The following SLC35B3 variants were observed in gnomAD, a reference collection of about 807,000 sequenced individuals.
The protein encoded by SLC35B3 is adenosine 3'-phospho 5'-phosphosulfate transporter 2.
Under a neutral mutation model 44.1 loss-of-function variants are expected in SLC35B3, and 35 were observed. The ratio of observed to expected loss-of-function variants is 0.79; its 90% confidence interval spans 0.61 to 1.05. The LOEUF (loss-of-function observed/expected upper bound fraction) is 1.05. SLC35B3 is among the 50% of genes least tolerant of loss of function. SLC35B3 has a pLI of 0.00. For missense variants in SLC35B3, 414 were observed against 476.4 expected (o/e 0.87, Z 1.22); for synonymous variants, 146 against 167.3 (o/e 0.87, Z 0.98).
At chr6:8,431,501 A>G (rs186439889) in intron 2 of SLC35B3, among the ~76,000 whole-genome samples, 161 of 152,326 alleles carry the variant, frequency 1.1e-3, no homozygotes, top group African/African-American at 3.6e-3. Context: ...ACCACTTGTA[A>G]CTAAAAATAT....
chr6:8,435,480 C>T lies in SLC35B3; in HGVS notation c.-181G>A. 2 of 1,027,468 alleles carry T rather than the reference C, an allele frequency of 1.9e-6. No individual in the cohort carries two copies. Among genetic ancestry groups the T allele is most frequent in the South Asian group, 2.8e-5 (2 of 71,256 alleles). 63.6% of individuals were successfully genotyped at this position (1,027,468 alleles called of 1,614,324 possible). A position where few individuals can be genotyped will look rare whatever the true frequency, so the allele number is the denominator to read the frequency against. On this transcript the variant is annotated 5_prime_UTR_variant, in exon 1 of 11. It adds an upstream start codon to the 5' untranslated region. Transcript: ENST00000644923. This position sits in a 1 kb window ranked among gnomAD's most constrained non-coding sequence, Gnocchi z 5.5. ...TCCTCGCCCACTCCTGCACTTTCCA[C>T]CGCGGCGGTCGCCTCCCCGGAAAGC...
chr6:8,417,573 C>G (rs1049563838), intron 7 of SLC35B3, 79 bp from the exon 7 acceptor site: 1 of 726,738 alleles, frequency 1.4e-6, no homozygotes, highest in Non-Finnish European at 2.2e-6. Flanking sequence ...CTCTATGGCT[C>G]AATTAGGTTT....
Position 8,422,564 on chromosome 6 carries a change from T to C in SLC35B3, c.480A>G (p.Ser160=), listed in dbSNP as rs1390523033. 6.2e-7 allele frequency: 1 copy of C among 1,613,448 alleles called. No homozygotes were observed. Among genetic ancestry groups the C allele is most frequent in the Non-Finnish European group, 8.5e-7 (1 of 1,179,454 alleles). ...AATTCAGGTAGCCCAAGGAAGTGTTTGATAACCCCATAGTACCCACAGTTA... is the reference window on the plus strand; with the variant it reads ...AATTCAGGTAGCCCAAGGAAGTGTTCGATAACCCCATAGTACCCACAGTTA... The change falls in exon 5 of 11, where the codon TCA becomes TCG. Residue 160 remains serine (S), a synonymous_variant. Coordinates refer to ENST00000644923, the MANE Select transcript of SLC35B3 (RefSeq NM_001370476.2).
At position 8,434,681 on chromosome 6, in the gene SLC35B3, T is replaced by C. The variant is rs1764316605; in HGVS notation, c.-43-251A>G. ...ATCTCAATTCACTTAGAAAAACGTT[T>C]AATCAAAAAACAATTCTAGGCTTCT... On this transcript the variant is annotated intron_variant, in intron 1 of 10. Transcript: ENST00000644923. This position sits in a 1 kb window ranked among gnomAD's most constrained non-coding sequence, Gnocchi z 6.3. 6.6e-6 allele frequency among the ~76,000 whole-genome samples: 1 copy of C among 152,166 alleles called. No individual in the cohort carries two copies. The highest frequency in any genetic ancestry group is 2.4e-5 in the African/African-American group (1 of 41,440).
Position 8,422,600 on chromosome 6 carries a change from T to C in SLC35B3, c.444A>G (p.Ile148Met), listed in dbSNP as rs1211616803. 3.1e-6 allele frequency: 5 copies of C among 1,610,168 alleles called. No individual in the cohort carries two copies. Among genetic ancestry groups the C allele is most frequent in the Admixed American group, 3.4e-5 (2 of 59,012 alleles). ...TAGTACCCACAGTTAGAAAAGCTAT[T>C]ATCATGTAGGTTTTTCCTGGTATTC... The change falls in exon 5 of 11, where the codon ATA becomes ATG. Residue 148 changes from isoleucine to methionine, a missense_variant. By Grantham distance (10) the Ile-to-Met change is conservative (BLOSUM62 1). Coordinates refer to ENST00000644923, the MANE Select transcript of SLC35B3 (RefSeq NM_001370476.2).
chr6:8,413,406 C>T lies in SLC35B3; in HGVS notation c.*143G>A, dbSNP rs1218746862. 1 of 677,392 alleles carries T rather than the reference C, an allele frequency of 1.5e-6. No individual in the cohort carries two copies. Among genetic ancestry groups the T allele is most frequent in the East Asian group, 3.1e-5 (1 of 32,418 alleles). The allele number at this position is 677,392 out of a possible 1,614,324, so 42.0% of individuals were successfully genotyped here. A position where few individuals can be genotyped will look rare whatever the true frequency, so the allele number is the denominator to read the frequency against. On this transcript the variant is annotated 3_prime_UTR_variant, in exon 11 of 11. Coordinates refer to ENST00000644923, the MANE Select transcript of SLC35B3 (RefSeq NM_001370476.2). The stretch of plus-strand genomic sequence containing the variant: ...AAATGCTCTGAAGAAAAGGCTGACA[C>T]CGCAAAACAACTTCATATGAAATCT...
chr6:8,435,549 C>G (rs1460560977), upstream of SLC35B3: 10 of 422,026 alleles, frequency 2.4e-5, no homozygotes, highest in South Asian at 7.9e-5. The surrounding 1 kb of genome is among the most constrained non-coding windows in gnomAD (Gnocchi z 5.5). Context: ...CCTATGTGTC[C>G]CTGCGCGCGT....
chr6:8,419,737 A>G lies in SLC35B3; in HGVS notation c.683-60T>C. ...CCCTCCTTATTTAAACATATGAACT[A>G]TAATCAAGCTTTATCAGAAATTTCA... On this transcript the variant is annotated intron_variant, in intron 6 of 10. Transcript: ENST00000644923. The surrounding 1 kb of genome is among the most constrained non-coding windows in gnomAD (Gnocchi z 4.3). The G allele has an allele frequency of 1.1e-6, 1 of 927,604 alleles. No homozygotes were observed. Among genetic ancestry groups the G allele is most frequent in the African/African-American group, 1.7e-5 (1 of 59,106 alleles). 57.5% of individuals were successfully genotyped at this position (927,604 alleles called of 1,614,324 possible). A position where few individuals can be genotyped will look rare whatever the true frequency, so the allele number is the denominator to read the frequency against.
rs185328794 is a variant in SLC35B3 at position 8,430,933 on chromosome 6, C to G, written c.4-776G>C. Among the ~76,000 whole-genome samples the G allele has an allele frequency of 2.3e-3, 328 of 143,310 alleles. 3 individuals are homozygous for G. Among genetic ancestry groups the G allele is most frequent in the African/African-American group, 8.3e-3 (316 of 38,166 alleles). The allele number at this position is 143,310 out of a possible 152,430, so 94.0% of individuals were successfully genotyped here. On this transcript the variant is annotated intron_variant, in intron 2 of 10. Coordinates refer to ENST00000644923, the MANE Select transcript of SLC35B3 (RefSeq NM_001370476.2). ...ATGAAAAAAACAAAACAAAGAAACC[C>G]CAAACCTAAGGTCCTTAAAAAGCTA...
chr6:8,434,916 T>G lies in SLC35B3; in HGVS notation c.-44+427A>C, dbSNP rs1422252931. On this transcript the variant is annotated intron_variant, in intron 1 of 10. Transcript: ENST00000644923. The surrounding 1 kb of genome is among the most constrained non-coding windows in gnomAD (Gnocchi z 6.3). ...CCCAGCCAGAACAATCACATTCTAC[T>G]GCAAGCCAAATGGAGAAAAGAGTAC... 6.6e-6 allele frequency among the ~76,000 whole-genome samples: 1 copy of G among 151,944 alleles called. No homozygotes were observed. The highest frequency in any genetic ancestry group is 2.4e-5 in the African/African-American group (1 of 41,386).
In SLC35B3 at chr6:8,413,697, T is replaced by C. The variant is rs1400611401; in HGVS notation, c.1058A>G (p.Tyr353Cys). 2 of 1,506,878 alleles carry C rather than the reference T, an allele frequency of 1.3e-6. No individual in the cohort carries two copies. Among genetic ancestry groups the C allele is most frequent in the Non-Finnish European group, 1.8e-6 (2 of 1,115,550 alleles). 93.3% of individuals were successfully genotyped at this position (1,506,878 alleles called of 1,614,324 possible). The change falls in exon 11 of 11, where the codon TAT becomes TGT. Residue 353 changes from tyrosine (Y) to cysteine (C), a missense_variant and splice_region_variant. Transcript: ENST00000644923. ...GACAACTAACAAACCAGACCATACA[T>C]ACCTAAGAGAAAGAAATAAGGAAAA...
rs976505388 is a variant in SLC35B3, at chr6:8,420,744, G to A, written c.659C>T (p.Thr220Ile). 1.2e-6 allele frequency: 2 copies of A among 1,612,636 alleles called. No individual in the cohort carries two copies. The highest frequency in any genetic ancestry group is 1.7e-6 in the Non-Finnish European group (2 of 1,178,890). ...ACCCGTCAGGTTGAAATTTGGTGCA[G>A]TTGTGCTGTCAGCGAGGGTAAACCA... is the stretch of plus-strand genomic sequence containing the variant. Residue 220 changes from threonine to isoleucine, a missense_variant, in exon 6 of 11, where the codon ACT (threonine) becomes ATT (isoleucine). Transcript: ENST00000644923. The surrounding 1 kb of genome is among the most constrained non-coding windows in gnomAD (Gnocchi z 4.4).
intron 4 of SLC35B3, among the ~76,000 whole-genome samples, chr6:8,424,151 C>A (rs2113415792): frequency 6.6e-6 from 1 of 152,336 alleles, no homozygotes; most frequent in East Asian, 1.9e-4. Context: ...TTTGTTTTCT[C>A]ATTGGTATAA....
chr6:8,413,489 A>T lies in SLC35B3; in HGVS notation c.*60T>A. 1 of 1,448,594 alleles carries T rather than the reference A, an allele frequency of 6.9e-7. No individual in the cohort carries two copies. Among genetic ancestry groups the T allele is most frequent in the Non-Finnish European group, 9.4e-7 (1 of 1,068,024 alleles). The allele number at this position is 1,448,594 out of a possible 1,614,324, so 89.7% of individuals were successfully genotyped here. A position where few individuals can be genotyped will look rare whatever the true frequency, so the allele number is the denominator to read the frequency against. On this transcript the variant is annotated 3_prime_UTR_variant, in exon 11 of 11. Coordinates refer to ENST00000644923, the MANE Select transcript of SLC35B3 (RefSeq NM_001370476.2). ...CTTTGGTTTTTATCAGTCCCTTTGG[A>T]AAGTTAATTAATTGATGATTGTTCC...
In SLC35B3 at chr6:8,413,319, G is replaced by C. The variant is rs1762125347; in HGVS notation, c.*230C>G. The C allele has an allele frequency of 2.4e-6, 1 of 408,480 alleles. No individual in the cohort carries two copies. Among genetic ancestry groups the C allele is most frequent in the Non-Finnish European group, 4.3e-6 (1 of 230,946 alleles). The allele number at this position is 408,480 out of a possible 1,614,324, so 25.3% of individuals were successfully genotyped here. A position where few individuals can be genotyped will look rare whatever the true frequency, so the allele number is the denominator to read the frequency against. On this transcript the variant is annotated 3_prime_UTR_variant, in exon 11 of 11. Coordinates refer to ENST00000644923, the MANE Select transcript of SLC35B3 (RefSeq NM_001370476.2). ...GCTAGGAATTACAGTCCTTCATATTGACATTTTATTGTAAAGTCTGCTAGA... is the reference window on the plus strand; with the variant it reads ...GCTAGGAATTACAGTCCTTCATATTCACATTTTATTGTAAAGTCTGCTAGA...
intron 5 of SLC35B3, among the ~76,000 whole-genome samples, chr6:8,422,264 C>A (rs1331777227): frequency 6.6e-6 from 1 of 152,142 alleles, no homozygotes; most frequent in East Asian, 1.9e-4. Context: ...TGGCATCCCA[C>A]AGTGCTGGGA....
In SLC35B3 at chr6:8,433,266, C is replaced by A. The variant is rs2152342; in HGVS notation, c.3+1119G>T. Among the ~76,000 whole-genome samples, 75,723 of 151,982 alleles carry A rather than the reference C, an allele frequency of 0.5. 19,784 individuals carry two copies. The highest frequency in any genetic ancestry group is 0.67 in the African/African-American group (27,847 of 41,460). ...AACGTGAAGTCTGATCATGCTGCAT[C>A]CATGAATAAGGCCTCGAAGTTAAAA... On this transcript the variant is annotated intron_variant, in intron 2 of 10. Transcript: ENST00000644923. This position sits in a 1 kb window ranked among gnomAD's most constrained non-coding sequence, Gnocchi z 4.1.
chr6:8,422,687 G>A (rs1763015120), intron 4 of SLC35B3, 63 bp from the exon 4 acceptor site: 1 of 1,292,532 alleles, frequency 7.7e-7, no homozygotes, highest in African/African-American at 1.5e-5. Flanking sequence ...AAAAGATAAT[G>A]TGTTCACATT....
rs1262930903 is a variant in SLC35B3, at chr6:8,428,021, C to A, written c.335G>T (p.Gly112Val). Reference sequence around the variant, plus strand: ...AAACTGCACTAAGGTAAGGTACCAGCCACAGGACTTAAAACCCTCCACTGA... The same window carrying A: ...AAACTGCACTAAGGTAAGGTACCAGACACAGGACTTAAAACCCTCCACTGA... The change falls in exon 4 of 11, where the codon GGC becomes GTC. Residue 112 changes from glycine (G) to valine (V), a missense_variant. Gly to Val is a moderately radical substitution (Grantham distance 109, BLOSUM62 -3). Coordinates refer to ENST00000644923, the MANE Select transcript of SLC35B3 (RefSeq NM_001370476.2). 2 of 1,607,386 alleles carry A rather than the reference C, an allele frequency of 1.2e-6. No individual in the cohort carries two copies. The highest frequency in any genetic ancestry group is 1.7e-5 in the Admixed American group (1 of 59,394).
Sources: allele counts gnomAD v4.1 joint callset (sites outside exome capture counted in the v4.1 genomes callset), GRCh38; gene constraint gnomAD v4.1.1; non-coding constraint Gnocchi (gnomAD v3.1); transcripts MANE v1.5; gene names NCBI Gene and HGNC (gene_info 2026-07-23, HGNC 2026-07-21).